The following PGM1 variants were observed in gnomAD, a reference collection of about 807,000 sequenced individuals.
PGM1 encodes phosphoglucomutase-1.
Under a neutral mutation model 55.6 loss-of-function variants are expected in PGM1, and 52 were observed. The ratio of observed to expected loss-of-function variants is 0.94; its 90% CI spans 0.75 to 1.18. The LOEUF (loss-of-function observed/expected upper bound fraction) is 1.18, where lower values mean the gene tolerates loss of function less well. PGM1 is among the 50% of genes most tolerant of loss of function. The pLI, the probability that PGM1 is intolerant of heterozygous loss-of-function variation, is 0.00. For missense variants in PGM1, 724 were observed against 729.3 expected, an observed-to-expected ratio of 0.99 and a Z score of 0.08; for synonymous variants, 287 against 271.7, an observed-to-expected ratio of 1.06 and a Z score of -0.55.
intron 1 of PGM1, among the ~76,000 whole-genome samples, chr1:63,604,917 C>CTGTGTGTGTGTG (rs60618789): frequency 2.4e-4 from 28 of 118,816 alleles, no homozygotes; most frequent in Middle Eastern, 4.1e-3. Context: ...TTACATAACT[C>CTGTGTGTGTGTG]TGTGTGTGTG....
Position 63,593,732 on chromosome 1 carries a change from G to C in PGM1, c.244G>C (p.Gly82Arg), listed in dbSNP as rs199928376. ...CATCGCTCGCATCGCTGCCGCCAAC[G>C]GGGTAAGGGATGCGCGGCCCCGCGC... ...QLIARIAAAN[G>R]IGRLVIGQNG... The change falls in exon 1 of 11, where the codon GGG (glycine) becomes CGG (arginine). Residue 82 changes from glycine to arginine, a missense_variant and splice_region_variant. Gly to Arg is a moderately radical substitution (Grantham distance 125). Around this residue, in one of 3 missense-constraint regions of PGM1, gnomAD observed 379 missense variants for 357.5 expected, o/e 1.06. Coordinates refer to ENST00000371084, the MANE Select transcript of PGM1 (RefSeq NM_002633.3). The C allele has an allele frequency of 1.3e-6, 2 of 1,594,358 alleles. No individual in the cohort carries two copies. Among genetic ancestry groups the C allele is most frequent in the Non-Finnish European group, 8.5e-7 (1 of 1,174,496 alleles).
rs114361955 is a variant in PGM1, at chr1:63,609,292, G to A, written c.246+15558G>A. The stretch of plus-strand genomic sequence containing the variant: ...GAATGGTTACTGGGCCCAGGCCAAT[G>A]TCTTGCTGCAGATGGGAAGCTGCAA... On this transcript the variant is annotated intron_variant, in intron 1 of 10. Transcript: ENST00000371084. 3.4e-3 allele frequency among the ~76,000 whole-genome samples: 515 copies of A among 152,360 alleles called. 2 individuals carry two copies. The highest frequency in any genetic ancestry group is 0.011 in the African/African-American group (471 of 41,588).
intron 4 of PGM1, 41 bp downstream of exon 4, chr1:63,631,823 A>C (rs1398335038): frequency 1.3e-6 from 2 of 1,597,134 alleles, no homozygotes; most frequent in Admixed American, 3.3e-5. Context: ...TCTTGAGGAT[A>C]GGAAGTTGCC....
intron 1 of PGM1, among the ~76,000 whole-genome samples, chr1:63,620,368 A>T (rs1036266458): frequency 3.3e-5 from 5 of 152,208 alleles, no homozygotes; most frequent in African/African-American, 1.2e-4. Flanking sequence ...TCACAAGCAT[A>T]GGGCCTTGGG....
intron 8 of PGM1, among the ~76,000 whole-genome samples, chr1:63,649,790 C>CA (rs1287447893): frequency 2.6e-5 from 4 of 151,992 alleles, no homozygotes; most frequent in African/African-American, 9.6e-5. Flanking sequence ...GGAACCAAGG[C>CA]AAAAAAATCC....
intron 10 of PGM1, among the ~76,000 whole-genome samples, chr1:63,656,676 C>T (rs1285978597): frequency 6.6e-6 from 1 of 151,668 alleles, no homozygotes; most frequent in Admixed American, 6.6e-5. Flanking sequence ...TTGCCATTTG[C>T]AATAACATGG....
At chr1:63,643,131 G>A (rs367689643) in intron 7 of PGM1, among the ~76,000 whole-genome samples, 1 of 152,178 alleles carries the variant, frequency 6.6e-6, no homozygotes, top group East Asian at 1.9e-4. Flanking sequence ...TTTCCCTGTA[G>A]GCAAAGCCCA....
At position 63,638,744 on chromosome 1, in the gene PGM1, GGAATTTGATGGACGCGA is replaced by G; in HGVS notation, c.1090_1106del (p.Asn364GlnfsTer15). Reference sequence around the variant, plus strand: ...ACCCCAACTGGCTGGAAGTTTTTTGGGAATTTGATGGACGCGAGCAAACTGTCCCTTTGTGGGGAGGA... The same window carrying G: ...ACCCCAACTGGCTGGAAGTTTTTTGGGCAAACTGTCCCTTTGTGGGGAGGA... On this transcript the variant is annotated frameshift_variant, in exon 7 of 11. Coordinates refer to ENST00000371084, the MANE Select transcript of PGM1 (RefSeq NM_002633.3). LOFTEE classifies it high-confidence loss of function. The G allele has an allele frequency of 6.2e-7, 1 of 1,614,060 alleles. No individual in the cohort carries two copies. The highest frequency in any genetic ancestry group is 8.5e-7 in the Non-Finnish European group (1 of 1,179,976).
At chr1:63,651,427 A>T in intron 8 of PGM1, 1 of 507,906 alleles carries the variant, frequency 2.0e-6, no homozygotes, top group East Asian at 3.6e-5. Context: ...AAATGCCAAG[A>T]TGGGTGTTTT....
chr1:63,622,226 T>C (rs1648899498), intron 1 of PGM1, among the ~76,000 whole-genome samples: 1 of 152,106 alleles, frequency 6.6e-6, no homozygotes, highest in South Asian at 2.1e-4. Flanking sequence ...GGTTTCACCA[T>C]GTTGAACAGA....
At chr1:63,598,417 G>A (rs1648142842) in intron 1 of PGM1, among the ~76,000 whole-genome samples, 1 of 152,194 alleles carries the variant, frequency 6.6e-6, no homozygotes, top group Non-Finnish European at 1.5e-5. Context: ...GACATAGGAA[G>A]ATTTGTGGAG....
chr1:63,629,510 G>A lies in PGM1; in HGVS notation c.332G>A (p.Gly111Glu). The change falls in exon 2 of 11, where the codon GGG becomes GAG. Residue 111 changes from glycine to glutamate, a missense_variant. Physicochemically the swap from Gly to Glu is moderately conservative, Grantham distance 98 (BLOSUM62 -2). Coordinates refer to ENST00000371084, the MANE Select transcript of PGM1 (RefSeq NM_002633.3). ...CIIRKIKAIGGIILTASHNPG... is the reference protein window; with the variant it reads ...CIIRKIKAIGEIILTASHNPG... ...ATTAGAAAAATCAAAGCCATTGGTGGGATCATTCTGACAGCCAGTCACAAC... is the reference window on the plus strand; with the variant it reads ...ATTAGAAAAATCAAAGCCATTGGTGAGATCATTCTGACAGCCAGTCACAAC... The A allele has an allele frequency of 3.1e-6, 5 of 1,613,768 alleles. No homozygotes were observed. The highest frequency in any genetic ancestry group is 4.2e-6 in the Non-Finnish European group (5 of 1,179,712).
intron 7 of PGM1, among the ~76,000 whole-genome samples, chr1:63,639,837 T>C (rs1430706083): frequency 6.6e-6 from 1 of 152,188 alleles, no homozygotes; most frequent in Admixed American, 6.5e-5. Context: ...AATGAGCTGC[T>C]AAATTGGAGG....
At chr1:63,597,932 T>TGTGCAA (rs1248041051) in intron 1 of PGM1, among the ~76,000 whole-genome samples, 2 of 152,182 alleles carry the variant, frequency 1.3e-5, no homozygotes, top group Non-Finnish European at 2.9e-5. Flanking sequence ...GCTCCTTTGC[T>TGTGCAA]ACTCATTTGT....
At chr1:63,626,690 T>G (rs2100979314) in intron 1 of PGM1, among the ~76,000 whole-genome samples, 1 of 152,300 alleles carries the variant, frequency 6.6e-6, no homozygotes, top group South Asian at 2.1e-4. Context: ...CATCTTTGAG[T>G]ACAGTGACAA....
intron 1 of PGM1, among the ~76,000 whole-genome samples, chr1:63,612,530 T>A (rs1199775100): frequency 7.9e-5 from 12 of 152,184 alleles, no homozygotes; most frequent in Non-Finnish European, 1.5e-4. Flanking sequence ...GGATGCTAGG[T>A]CAGCTGGGAC....
intron 8 of PGM1, among the ~76,000 whole-genome samples, chr1:63,650,047 A>G (rs1487537962): frequency 6.6e-6 from 1 of 152,224 alleles, no homozygotes; most frequent in Non-Finnish European, 1.5e-5. Context: ...ATTAGTCACA[A>G]TCCTCCATAT....
intron 1 of PGM1, among the ~76,000 whole-genome samples, chr1:63,596,468 G>T (rs1163518546): frequency 6.6e-6 from 1 of 151,822 alleles, no homozygotes; most frequent in African/African-American, 2.4e-5. Flanking sequence ...TCTTGGCCAG[G>T]CTGGTCTCGA....
At chr1:63,604,819 G>A (rs1245803246) in intron 1 of PGM1, among the ~76,000 whole-genome samples, 2 of 152,058 alleles carry the variant, frequency 1.3e-5, no homozygotes, top group African/African-American at 4.8e-5. Context: ...AAGCCCATGT[G>A]TGGCTCCTTG....
Sources: allele counts gnomAD v4.1 joint callset (sites outside exome capture counted in the v4.1 genomes callset), GRCh38; gene constraint gnomAD v4.1.1; regional missense constraint gnomAD v4.1.1; transcripts MANE v1.5; gene names NCBI Gene and HGNC (gene_info 2026-07-23, HGNC 2026-07-21).